Variants in LRRC4C observed in about 807,000 individuals in gnomAD.
LRRC4C encodes the protein leucine rich repeat containing 4C.
Under a neutral mutation model 33.6 loss-of-function variants are expected in LRRC4C, and 5 were observed. The observed-to-expected ratio is 0.15, with a 90% CI of 0.08 to 0.31. The LOEUF is 0.31. LRRC4C is among the 10% of genes least tolerant of loss of function. The probability of loss-of-function intolerance (pLI) is 1.00; values close to 1 mark genes in which losing one functional copy is unlikely to be tolerated. For missense variants in LRRC4C, 560 were observed against 796.7 expected (o/e 0.70, Z 3.58); for synonymous variants, 329 against 302.0 (o/e 1.09, Z -0.93).
intron 1 of LRRC4C, among the ~76,000 whole-genome samples, chr11:41,053,397 T>G (rs891093298): frequency 3.9e-5 from 6 of 152,186 alleles, no homozygotes; most frequent in Non-Finnish European, 8.8e-5. Context: ...CTGTAAAGAA[T>G]TGAATTATGT....
intron 1 of LRRC4C, among the ~76,000 whole-genome samples, chr11:41,245,149 T>C (rs1275779667): frequency 6.6e-6 from 1 of 152,182 alleles, no homozygotes; most frequent in Non-Finnish European, 1.5e-5. Flanking sequence ...TTTAAGGTGT[T>C]GAGAATTATT....
At chr11:40,752,991 T>C (rs1591631138) in intron 2 of LRRC4C, among the ~76,000 whole-genome samples, 1 of 152,040 alleles carries the variant, frequency 6.6e-6, no homozygotes, top group Non-Finnish European at 1.5e-5. Flanking sequence ...GAACTGGAGG[T>C]CATTATGCTA....
rs1158464665 is a variant in LRRC4C, at chr11:40,442,162, C to CAAA, written c.-269-122444_-269-122442dup. Among the ~76,000 whole-genome samples the CAAA allele has an allele frequency of 1.2e-3, 69 of 56,164 alleles. 7 individuals are homozygous for CAAA. The highest frequency in any genetic ancestry group is 2.0e-3 in the African/African-American group (29 of 14,526). 36.8% of individuals were successfully genotyped at this position (56,164 alleles called of 152,430 possible). ...TGGGTGACAGAGCCAGACTCCATTTCAAAAAAAAAAAAAAAAAAAAAAAAA... is the reference window on the plus strand; with the variant it reads ...TGGGTGACAGAGCCAGACTCCATTTCAAAAAAAAAAAAAAAAAAAAAAAAAAAA... On this transcript the variant is annotated intron_variant, in intron 3 of 6. Coordinates refer to ENST00000528697, the MANE Select transcript of LRRC4C (RefSeq NM_001258419.2).
intron 3 of LRRC4C, among the ~76,000 whole-genome samples, chr11:40,633,396 T>TCTCTCTCTCTCTCTCTTTCTTTCTTTCC (rs1565581276): frequency 1.2e-5 from 1 of 86,758 alleles, no homozygotes; most frequent in Non-Finnish European, 2.3e-5. Context: ...TCTTTCTTTC[T>TCTCTCTCTCTCTCTCTTTCTTTCTTTCC]TTTTTTTTTT....
At chr11:40,879,780 T>C (rs1330669880) in intron 2 of LRRC4C, among the ~76,000 whole-genome samples, 1 of 152,096 alleles carries the variant, frequency 6.6e-6, no homozygotes, top group Non-Finnish European at 1.5e-5. Context: ...GGCAAAAAGA[T>C]TTAGATCAGA....
chr11:40,569,710 A>G (rs970935322), intron 3 of LRRC4C, among the ~76,000 whole-genome samples: 1 of 152,170 alleles, frequency 6.6e-6, no homozygotes, highest in African/African-American at 2.4e-5. Context: ...GGCTGGTACC[A>G]AGAAAGTGAT....
At chr11:40,637,341 A>C (rs1391047047) in intron 3 of LRRC4C, among the ~76,000 whole-genome samples, 3 of 152,260 alleles carry the variant, frequency 2.0e-5, no homozygotes, top group Non-Finnish European at 4.4e-5. Flanking sequence ...CAGTCTGGAC[A>C]CGATAAGATC....
chr11:40,289,504 C>T (rs1052654546), intron 4 of LRRC4C, among the ~76,000 whole-genome samples: 3 of 152,112 alleles, frequency 2.0e-5, no homozygotes, highest in Non-Finnish European at 1.5e-5. Flanking sequence ...ATAGGGTCCT[C>T]GGCAGATTCT....
intron 2 of LRRC4C, among the ~76,000 whole-genome samples, chr11:40,795,483 T>C (rs1367581100): frequency 1.3e-5 from 2 of 152,070 alleles, no homozygotes; most frequent in African/African-American, 4.8e-5. Flanking sequence ...TGAGCCGAGA[T>C]CATGCCACTG....
At chr11:41,015,719 T>C (rs1565303271) in intron 1 of LRRC4C, among the ~76,000 whole-genome samples, 1 of 152,108 alleles carries the variant, frequency 6.6e-6, no homozygotes, top group Non-Finnish European at 1.5e-5. Flanking sequence ...ATCAAATGCG[T>C]CAAAGTGGAA....
intron 3 of LRRC4C, among the ~76,000 whole-genome samples, chr11:40,582,513 G>GT (rs35497785): frequency 0.23 from 26,819 of 115,446 alleles, 3,836 homozygotes; most frequent in Non-Finnish European, 0.31. Context: ...CCCTTGTTCA[G>GT]TTTTTTTTTT....
intron 1 of LRRC4C, among the ~76,000 whole-genome samples, chr11:41,202,192 A>G (rs1390731121): frequency 6.6e-6 from 1 of 152,154 alleles, no homozygotes; most frequent in Non-Finnish European, 1.5e-5. Context: ...AAAGCCCCCA[A>G]ATACTAAGTT....
intron 2 of LRRC4C, among the ~76,000 whole-genome samples, chr11:40,731,857 G>T (rs1276101973): frequency 1.3e-5 from 2 of 152,104 alleles, no homozygotes; most frequent in Non-Finnish European, 2.9e-5. Flanking sequence ...AAGGTGCTTT[G>T]TTACTCTATG....
At chr11:40,740,375 T>C (rs537968697) in intron 2 of LRRC4C, among the ~76,000 whole-genome samples, 30 of 152,134 alleles carry the variant, frequency 2.0e-4, no homozygotes, top group African/African-American at 6.3e-4. Flanking sequence ...GAATATGATA[T>C]ATTATTAGAG....
At chr11:41,378,753 A>T (rs897429475) in intron 1 of LRRC4C, among the ~76,000 whole-genome samples, 3 of 152,158 alleles carry the variant, frequency 2.0e-5, no homozygotes, top group African/African-American at 7.2e-5. Context: ...TTGTAAACAT[A>T]ACTAGTCTAA....
intron 3 of LRRC4C, among the ~76,000 whole-genome samples, chr11:40,588,727 G>T (rs544764601): frequency 2.0e-5 from 3 of 152,116 alleles, no homozygotes; most frequent in African/African-American, 7.2e-5. Context: ...CCTTCATTTC[G>T]TTCGGTACCC....
At chr11:40,695,801 C>T (rs142999824) in intron 2 of LRRC4C, among the ~76,000 whole-genome samples, 1 of 151,990 alleles carries the variant, frequency 6.6e-6, no homozygotes, top group Admixed American at 6.6e-5. Flanking sequence ...CTTTTACTTA[C>T]GAGGAGACAA....
rs118035965 is a variant in LRRC4C at position 40,509,050 on chromosome 11, A to G, written c.-270+139092T>C. On this transcript the variant is annotated intron_variant, in intron 3 of 6. Transcript: ENST00000528697. Reference sequence around the variant, plus strand: ...GACATGTCTTAAAATAAGCAGATCCATTGAACCAGCATTTCCCTTTCTGAT... The same window carrying G: ...GACATGTCTTAAAATAAGCAGATCCGTTGAACCAGCATTTCCCTTTCTGAT... Among the ~76,000 whole-genome samples the G allele has an allele frequency of 7.2e-3, 1,094 of 152,318 alleles. 10 individuals are homozygous for G. The highest frequency in any genetic ancestry group is 0.012 in the Non-Finnish European group (847 of 68,016).
intron 4 of LRRC4C, among the ~76,000 whole-genome samples, chr11:40,311,742 C>T (rs1029716913): frequency 6.6e-6 from 1 of 151,956 alleles, no homozygotes; most frequent in Non-Finnish European, 1.5e-5. Context: ...GTCAAGAGAT[C>T]GAGACCATCC....
Sources: allele counts gnomAD v4.1 joint callset (sites outside exome capture counted in the v4.1 genomes callset), GRCh38; gene constraint gnomAD v4.1.1; transcripts MANE v1.5; gene names NCBI Gene and HGNC (gene_info 2026-07-23, HGNC 2026-07-21).